Variants in CERS4 observed in about 807,000 individuals in gnomAD.
CERS4 encodes the protein LAG1 homolog, ceramide synthase 4.
CERS4 carries 65 observed loss-of-function variants against 51.8 expected under a neutral mutation model. That is an observed-to-expected ratio of 1.26 (90% CI 1.03 to 1.54). The LOEUF (loss-of-function observed/expected upper bound fraction) is 1.54, where lower values mean the gene tolerates loss of function less well. Ranked by LOEUF, CERS4 falls within the 40% of genes most tolerant of loss-of-function variation. The pLI is 0.00. For synonymous variants in CERS4, 228 were observed against 208.4 expected (o/e 1.09, Z -0.81); for missense variants, 563 against 500.4 (o/e 1.13, Z -1.19).
chr19:8,218,625 G>A (rs1042046788), intron 2 of CERS4, among the ~76,000 whole-genome samples: 21 of 152,160 alleles, frequency 1.4e-4, no homozygotes, highest in Non-Finnish European at 2.2e-4. Flanking sequence ...GAGATCTTGA[G>A]ATGGGGAAGG....
rs370819639 is a variant in CERS4, at chr19:8,255,858, C to A, written c.447C>A (p.Gly149=). 2.5e-6 allele frequency: 4 copies of A among 1,613,774 alleles called. No individual in the cohort carries two copies. In the African/African-American group the frequency reaches 5.3e-5, roughly 22 times the overall value. Residue 149 remains glycine, a synonymous_variant, in exon 6 of 12, where the codon GGC becomes GGA. Transcript: ENST00000251363. ...TCTTCTACCTGTCCTCCTTCGTGGGCGGCCTCTCGGTCCTGTACCACGTGA... is the reference window on the plus strand; with the variant it reads ...TCTTCTACCTGTCCTCCTTCGTGGGAGGCCTCTCGGTCCTGTACCACGTGA... The part of the protein sequence containing the change: ...RFLFYLSSFV[G]GLSVLYHESW...
At chr19:8,251,813 ATGTGAGC>A (rs144504085) in intron 3 of CERS4, among the ~76,000 whole-genome samples, 11,682 of 150,856 alleles carry the variant, frequency 0.077, 697 homozygotes, top group African/African-American at 0.17. Context: ...AAAAAAAAAA[ATGTGAGC>A]TGGGGTGTTA....
chr19:8,255,458 C>T (rs868386542), intron 4 of CERS4, 149 bp from the exon 5 acceptor site: 11 of 719,794 alleles, frequency 1.5e-5, no homozygotes, highest in African/African-American at 1.1e-4. Flanking sequence ...CGCTGGGACC[C>T]CCAACACTGC....
At position 8,229,564 on chromosome 19, in the gene CERS4, C is replaced by T. The variant is rs1006473877; in HGVS notation, c.-2+18702C>T. Among the ~76,000 whole-genome samples, 16 of 152,020 alleles carry T rather than the reference C, an allele frequency of 1.1e-4. 1 individual carries two copies. Among genetic ancestry groups the T allele is most frequent in the South Asian group, 6.2e-4 (3 of 4,818 alleles). On this transcript the variant is annotated intron_variant, in intron 2 of 11. Transcript: ENST00000251363. ...CTGGGATGACAGGTGCCTGCCACCA[C>T]GCCCAGCTATTTTTTTGTATTTTTA...
chr19:8,256,793 A>T (rs971498100), intron 8 of CERS4, 83 bp downstream of exon 8: 34 of 1,569,984 alleles, frequency 2.2e-5, no homozygotes, highest in Non-Finnish European at 2.4e-5. Flanking sequence ...TTACAACCGC[A>T]CCTTGAGAGC....
In CERS4 at chr19:8,256,284, C is replaced by T; in HGVS notation, c.517C>T (p.Gln173Ter). ...PVMCWDRYPN[Q>*]TLKPSLYWWY... ...AATGTGCTGGGACAGGTACCCAAAC[C>T]AGGTGAGTGGCAGAGTGTGTGTGAA... Residue 173 changes from glutamine (Q) to a stop codon, truncating the protein, a stop_gained and splice_region_variant, in exon 7 of 12, where the codon CAG (glutamine) becomes TAG (stop). Coordinates refer to ENST00000251363, the MANE Select transcript of CERS4 (RefSeq NM_024552.3). LOFTEE classifies it high-confidence loss of function. 6.2e-7 allele frequency: 1 copy of T among 1,613,580 alleles called. No individual in the cohort carries two copies. The highest frequency in any genetic ancestry group is 8.5e-7 in the Non-Finnish European group (1 of 1,179,786).
At chr19:8,235,623 C>T (rs1968215511) in intron 2 of CERS4, among the ~76,000 whole-genome samples, 1 of 151,120 alleles carries the variant, frequency 6.6e-6, no homozygotes, top group Admixed American at 6.6e-5. Flanking sequence ...TGTGGTGGCT[C>T]ATGCCTATAA....
chr19:8,213,398 ACCTCCTGAGCTCAACCTCAG>A (rs1390878013), intron 2 of CERS4, among the ~76,000 whole-genome samples: 1 of 151,652 alleles, frequency 6.6e-6, no homozygotes, highest in African/African-American at 2.4e-5. Context: ...TGCAGCCTCG[ACCTCCTGAGCTCAACCTCAG>A]CCTCCTGAGA....
At chr19:8,248,554 A>T (rs1968890861) in intron 2 of CERS4, among the ~76,000 whole-genome samples, 1 of 151,452 alleles carries the variant, frequency 6.6e-6, no homozygotes, top group Admixed American at 6.6e-5. Context: ...GGGTGGACAG[A>T]TGTTTAGATG....
chr19:8,221,881 T>G (rs1315566619), intron 2 of CERS4, among the ~76,000 whole-genome samples: 1 of 96,540 alleles, frequency 1.0e-5, no homozygotes, highest in Non-Finnish European at 2.2e-5. Context: ...TGTTTTTTTT[T>G]TTTTTTTTTT....
At chr19:8,211,220 G>T (rs372702912) in intron 2 of CERS4, among the ~76,000 whole-genome samples, 1 of 151,490 alleles carries the variant, frequency 6.6e-6, no homozygotes, top group East Asian at 2.0e-4. Context: ...CTTGGCTCAG[G>T]AGCCACTGGG....
At chr19:8,232,920 T>C (rs1409344847) in intron 2 of CERS4, among the ~76,000 whole-genome samples, 2 of 115,282 alleles carry the variant, frequency 1.7e-5, no homozygotes, top group African/African-American at 3.5e-5. Context: ...TTTTTTGAAG[T>C]GGAGGTGAGG....
chr19:8,255,354 C>T (rs1047156235), intron 4 of CERS4, among the ~76,000 whole-genome samples: 1 of 152,134 alleles, frequency 6.6e-6, no homozygotes, highest in Non-Finnish European at 1.5e-5. Flanking sequence ...TGCTGCACGC[C>T]AGCATCTCTC....
intron 10 of CERS4, among the ~76,000 whole-genome samples, chr19:8,260,054 G>T (rs1468249280): frequency 6.6e-6 from 1 of 152,080 alleles, no homozygotes; most frequent in Non-Finnish European, 1.5e-5. Context: ...GCCAGAGAGG[G>T]AAGGGGCCCA....
intron 2 of CERS4, among the ~76,000 whole-genome samples, chr19:8,239,030 G>A (rs551285054): frequency 5.9e-5 from 9 of 152,204 alleles, no homozygotes; most frequent in African/African-American, 2.2e-4. Flanking sequence ...AAGTCCAAGA[G>A]TTCAAGGCTG....
At chr19:8,225,345 T>C (rs1312450637) in intron 2 of CERS4, among the ~76,000 whole-genome samples, 4 of 150,554 alleles carry the variant, frequency 2.7e-5, no homozygotes, top group Non-Finnish European at 4.4e-5. Context: ...GCTGGAGTAG[T>C]AGGGTGGGGA....
At chr19:8,227,523 G>A (rs923029833) in intron 2 of CERS4, among the ~76,000 whole-genome samples, 1 of 151,920 alleles carries the variant, frequency 6.6e-6, no homozygotes, top group African/African-American at 2.4e-5. Context: ...TGCATTTTTA[G>A]TGGAGATGGG....
intron 3 of CERS4, among the ~76,000 whole-genome samples, chr19:8,253,449 C>CTT (rs35212733): frequency 0.037 from 2,760 of 73,874 alleles, 37 homozygotes; most frequent in African/African-American, 0.066. Context: ...GTCCAGCTGC[C>CTT]TTTTTTTTTT....
intron 2 of CERS4, among the ~76,000 whole-genome samples, chr19:8,217,718 T>C (rs939939330): frequency 6.6e-6 from 1 of 151,956 alleles, no homozygotes; most frequent in Non-Finnish European, 1.5e-5. Flanking sequence ...TTTGTATTTT[T>C]AGTAGAGACG....
Sources: gnomAD v4.1 joint callset for allele counts (sites outside exome capture counted in the v4.1 genomes callset) on GRCh38, gnomAD v4.1.1 for gene constraint, MANE v1.5 for transcripts, NCBI Gene and HGNC (gene_info 2026-07-23, HGNC 2026-07-21) for gene names.